The following SLF1 variants were observed in gnomAD, a reference collection of about 807,000 sequenced individuals.
SLF1 encodes the protein SMC5/6 complex localization factor 1, also known as SMC5-SMC6 complex localization factor protein 1.
SLF1 carries 105 observed loss-of-function variants against 123.0 expected under a neutral mutation model. That is an observed-to-expected ratio of 0.85 (90% CI 0.73 to 1.00). The LOEUF (loss-of-function observed/expected upper bound fraction) is 1.00, where lower values mean the gene tolerates loss of function less well. Among genes scored for constraint, SLF1 ranks in the 50% least tolerant of loss-of-function variants. SLF1 has a pLI of 0.00. For synonymous variants in SLF1, 434 were observed against 406.6 expected (o/e 1.07, Z -0.81); for missense variants, 1,239 against 1,223.0 (o/e 1.01, Z -0.20).
chr5:94,685,964 C>T (rs1416570170), intron 15 of SLF1, among the ~76,000 whole-genome samples: 1 of 151,956 alleles, frequency 6.6e-6, no homozygotes, highest in Non-Finnish European at 1.5e-5. Context: ...TTTCTTTATA[C>T]ATGCTCGTTT....
Position 94,657,082 on chromosome 5 carries a change from T to C in SLF1, c.1155+2330T>C, listed in dbSNP as rs886119308. ...ATAGATCTTTATTATTTCCTTCTAC[T>C]AATTTGGGGTTTGGTTTGTTCTTGC... On this transcript the variant is annotated intron_variant, in intron 9 of 20. Coordinates refer to ENST00000265140, the MANE Select transcript of SLF1 (RefSeq NM_032290.4). 3.3e-5 allele frequency among the ~76,000 whole-genome samples: 5 copies of C among 150,756 alleles called. No individual in the cohort carries two copies. The East Asian group carries it at 9.7e-4, about 29-fold the overall frequency.
chr5:94,686,147 C>G (rs1752408171), intron 15 of SLF1, among the ~76,000 whole-genome samples: 3 of 152,250 alleles, frequency 2.0e-5, no homozygotes, highest in South Asian at 2.1e-4. Context: ...CAACTCAGTA[C>G]TGATCATTGC....
chr5:94,691,342 T>G (rs1382944684), intron 18 of SLF1: 1 of 456,592 alleles, frequency 2.2e-6, no homozygotes, highest in Non-Finnish European at 3.8e-6. Context: ...CATTGCTGAA[T>G]TGCTGATAGA....
chr5:94,630,819 T>A, intron 4 of SLF1, 76 bp downstream of exon 4: 1 of 1,468,522 alleles, frequency 6.8e-7, no homozygotes, highest in Non-Finnish European at 9.1e-7. Flanking sequence ...TTTCTGTATT[T>A]TTTTGCAATT....
intron 15 of SLF1, among the ~76,000 whole-genome samples, chr5:94,681,985 G>A (rs1751833993): frequency 6.6e-6 from 1 of 152,120 alleles, no homozygotes; most frequent in Non-Finnish European, 1.5e-5. Context: ...AACCAAATTT[G>A]AAGGCTAAGC....
At chr5:94,662,756 C>T (rs1171030720) in intron 10 of SLF1, among the ~76,000 whole-genome samples, 3 of 144,442 alleles carry the variant, frequency 2.1e-5, no homozygotes, top group African/African-American at 7.6e-5. Context: ...CAAAATAAAC[C>T]TACAATACAT....
chr5:94,665,745 T>G, intron 11 of SLF1, 116 bp from the exon 12 acceptor site: 1 of 934,298 alleles, frequency 1.1e-6, no homozygotes. Flanking sequence ...AGAGCCAGAC[T>G]CCGTCTCAAA....
intron 14 of SLF1, 192 bp from the exon 15 acceptor site, chr5:94,678,616 G>T: frequency 2.2e-6 from 1 of 450,234 alleles, no homozygotes; most frequent in Non-Finnish European, 3.8e-6. Context: ...TAACTCTTTT[G>T]TCATGTGGAG....
At chr5:94,621,918 G>A (rs900429058) in intron 1 of SLF1, among the ~76,000 whole-genome samples, 1 of 151,656 alleles carries the variant, frequency 6.6e-6, no homozygotes, top group Non-Finnish European at 1.5e-5. Flanking sequence ...ACACACGTGC[G>A]TGTGCATCTC....
intron 8 of SLF1, 66 bp from the exon 9 acceptor site, chr5:94,654,564 G>A: frequency 7.7e-7 from 1 of 1,298,428 alleles, no homozygotes; most frequent in Non-Finnish European, 1.0e-6. Flanking sequence ...TGTCCTTTGT[G>A]ATATCATCTG....
intron 15 of SLF1, among the ~76,000 whole-genome samples, chr5:94,682,999 A>C (rs1194475322): frequency 6.6e-6 from 1 of 152,226 alleles, no homozygotes; most frequent in Non-Finnish European, 1.5e-5. Context: ...CTTTATTCGT[A>C]AAAACAGGCA....
chr5:94,639,942 C>G lies in SLF1; in HGVS notation c.432-3331C>G, dbSNP rs185959857. Among the ~76,000 whole-genome samples the G allele has an allele frequency of 3.1e-3, 468 of 151,968 alleles. 1 individual carries two copies. Among genetic ancestry groups the G allele is most frequent in the African/African-American group, 0.011 (448 of 41,270 alleles). On this transcript the variant is annotated intron_variant, in intron 4 of 20. Transcript: ENST00000265140. ...CGGGTCAACTGTATTTCCATTTGTT[C>G]TTCTATCCTTTTTTCTATTGTTGAC...
At chr5:94,660,847 G>C (rs1749017607) in intron 9 of SLF1, among the ~76,000 whole-genome samples, 1 of 152,196 alleles carries the variant, frequency 6.6e-6, no homozygotes, top group South Asian at 2.1e-4. Context: ...GATCTGAGGA[G>C]CTCCTGCTTT....
intron 1 of SLF1, chr5:94,619,932 G>A (rs1220661072): frequency 6.6e-6 from 1 of 152,072 alleles, no homozygotes; most frequent in Admixed American, 6.6e-5. Context: ...GCCCAGGCTG[G>A]AGTGCAGTGC....
At chr5:94,647,229 C>T (rs1747167175) in intron 5 of SLF1, among the ~76,000 whole-genome samples, 1 of 152,144 alleles carries the variant, frequency 6.6e-6, no homozygotes, top group East Asian at 1.9e-4. Flanking sequence ...AATATCTAGT[C>T]ATAGGATTGT....
chr5:94,692,879 G>A (rs1753188742), intron 20 of SLF1, among the ~76,000 whole-genome samples: 1 of 152,076 alleles, frequency 6.6e-6, no homozygotes. Context: ...TTTGCTTTCA[G>A]CAAGGCCCCA....
Position 94,651,748 on chromosome 5 carries a change from T to G in SLF1, c.785T>G (p.Ile262Ser). ...GATGTTAATGTTGGTTCTATTTTGA[T>G]TCAACATCACAAAAAAGAAAAATTC... ...HEDVNVGSIL[I>S]QHHKKEKFSG... The change falls in exon 7 of 21, where the codon ATT becomes AGT. Residue 262 changes from isoleucine to serine, a missense_variant. Coordinates refer to ENST00000265140, the MANE Select transcript of SLF1 (RefSeq NM_032290.4). 6.5e-7 allele frequency: 1 copy of G among 1,527,994 alleles called. No individual in the cohort carries two copies. Among genetic ancestry groups the G allele is most frequent in the Non-Finnish European group, 8.8e-7 (1 of 1,137,988 alleles). 94.7% of individuals were successfully genotyped at this position (1,527,994 alleles called of 1,614,324 possible).
At position 94,694,930 on chromosome 5, in the gene SLF1, T is replaced by C. The variant is rs1050853590; in HGVS notation, c.2795T>C (p.Ile932Thr). ...IKEELFAITK[I>T]EDTVENFHAQ... ...GAAGAACTGTTTGCTATTACAAAAATAGAAGATACAGTGGAGAACTTTCAT... is the reference window on the plus strand; with the variant it reads ...GAAGAACTGTTTGCTATTACAAAAACAGAAGATACAGTGGAGAACTTTCAT... The change falls in exon 21 of 21, where the codon ATA becomes ACA. Residue 932 changes from isoleucine to threonine, a missense_variant. Ile to Thr is a moderately conservative substitution (Grantham distance 89, BLOSUM62 -1). Coordinates refer to ENST00000265140, the MANE Select transcript of SLF1 (RefSeq NM_032290.4). 1.1e-5 allele frequency: 17 copies of C among 1,611,974 alleles called. No individual in the cohort carries two copies. In the African/African-American group the frequency reaches 2.1e-4, roughly 20 times the overall value.
chr5:94,670,744 T>G (rs1585195853), intron 13 of SLF1, 99 bp from the exon 14 acceptor site: 1 of 834,752 alleles, frequency 1.2e-6, no homozygotes, highest in East Asian at 2.7e-5. Context: ...ATGATCTATG[T>G]TCAAAAATTG....
Sources: allele counts gnomAD v4.1 joint callset (sites outside exome capture counted in the v4.1 genomes callset), GRCh38; gene constraint gnomAD v4.1.1; transcripts MANE v1.5; gene names NCBI Gene and HGNC (gene_info 2026-07-23, HGNC 2026-07-21).